ACSL5: variants seen among roughly 807,000 people sequenced by gnomAD.
ACSL5 encodes the protein acyl-CoA synthetase long chain family member 5.
In ACSL5, 50 loss-of-function variants were observed where a neutral mutation model predicts 84.9. The ratio of observed to expected loss-of-function variants is 0.59; its 90% CI spans 0.47 to 0.75. ACSL5 has a LOEUF of 0.75. ACSL5 is among the 30% of genes least tolerant of loss of function. ACSL5 has a pLI of 0.00. For missense variants in ACSL5, 775 were observed against 830.4 expected, an observed-to-expected ratio of 0.93 and a Z score of 0.82; for synonymous variants, 280 against 300.7, an observed-to-expected ratio of 0.93 and a Z score of 0.71.
At chr10:112,375,064 A>AAT (rs1554859511) in intron 1 of ACSL5, among the ~76,000 whole-genome samples, 56 of 139,106 alleles carry the variant, frequency 4.0e-4, no homozygotes, top group Middle Eastern at 3.7e-3. Flanking sequence ...AAAAAAAAAG[A>AAT]AATAAAACCT....
intron 13 of ACSL5, among the ~76,000 whole-genome samples, chr10:112,417,502 CA>C (rs200150019): frequency 0.059 from 6,960 of 118,082 alleles, 280 homozygotes; most frequent in African/African-American, 0.14. Context: ...GACTCTATCT[CA>C]AAAAAAAAAA....
intron 5 of ACSL5, among the ~76,000 whole-genome samples, chr10:112,405,782 G>T (rs537289558): frequency 6.6e-6 from 1 of 152,176 alleles, no homozygotes; most frequent in South Asian, 2.1e-4. Flanking sequence ...CACATATTTT[G>T]TATGTTATAT....
rs1382210452 is a variant in ACSL5, at chr10:112,427,913, C to G, written c.*555C>G. ...CTATGAGACAAATGTCTCCGATGCT[C>G]TTCTGCGTAAATTAAATTGTGTACT... On this transcript the variant is annotated 3_prime_UTR_variant, in exon 21 of 21. Coordinates refer to ENST00000354655, the MANE Select transcript of ACSL5 (RefSeq NM_203379.2). 1 of 152,910 alleles carries G rather than the reference C, an allele frequency of 6.5e-6. No homozygotes were observed. Among genetic ancestry groups the G allele is most frequent in the Non-Finnish European group, 1.5e-5 (1 of 68,546 alleles). The allele number at this position is 152,910 out of a possible 1,614,324, so 9.5% of individuals were successfully genotyped here. A position where few individuals can be genotyped will look rare whatever the true frequency, so the allele number is the denominator to read the frequency against.
chr10:112,426,236 A>G (rs1844700080), intron 18 of ACSL5, 22 bp from the exon 19 acceptor site: 1 of 1,597,816 alleles, frequency 6.3e-7, no homozygotes, highest in Non-Finnish European at 8.6e-7. Flanking sequence ...ATGCCCTTGC[A>G]CCTTTTATTT....
At chr10:112,397,033 T>C (rs747005179) in intron 2 of ACSL5, among the ~76,000 whole-genome samples, 2 of 152,156 alleles carry the variant, frequency 1.3e-5, no homozygotes, top group Non-Finnish European at 2.9e-5. Context: ...CCTGTTCTTC[T>C]CTACACGAAA....
At chr10:112,409,308 A>T (rs766892017) in intron 6 of ACSL5, 199 bp from the exon 7 acceptor site, 3 of 567,188 alleles carry the variant, frequency 5.3e-6, no homozygotes, top group Non-Finnish European at 9.4e-6. Context: ...CAGTTCAAGA[A>T]CATGTGCTTC....
intron 3 of ACSL5, among the ~76,000 whole-genome samples, chr10:112,403,574 C>G (rs2133612722): frequency 6.6e-6 from 1 of 152,376 alleles, no homozygotes; most frequent in South Asian, 2.1e-4. Context: ...GCATGAGCCA[C>G]TGCGCCCAGC....
chr10:112,414,689 C>T (rs1844274901), intron 12 of ACSL5, among the ~76,000 whole-genome samples: 1 of 152,118 alleles, frequency 6.6e-6, no homozygotes, highest in African/African-American at 2.4e-5. Context: ...TCAAGTTGCT[C>T]ATGTGTCCTT....
At chr10:112,418,850 TGAGGAGGAAGAA>T (rs1844385136) in intron 14 of ACSL5, 1 of 144,772 alleles carries the variant, frequency 6.9e-6, no homozygotes, top group Non-Finnish European at 1.5e-5. Context: ...TTGAGTAGGC[TGAGGAGGAAGAA>T]GAGGAGGGGT....
rs1398782813 is a variant in ACSL5, at chr10:112,427,920, GTAAAT to G, written c.*569_*573del. ...ACAAATGTCTCCGATGCTCTTCTGC[GTAAAT>G]TAAATTGTGTACTGAAGGGAAAAGT... On this transcript the variant is annotated 3_prime_UTR_variant, in exon 21 of 21. Coordinates refer to ENST00000354655, the MANE Select transcript of ACSL5 (RefSeq NM_203379.2). 6.5e-6 allele frequency: 1 copy of G among 152,872 alleles called. No homozygotes were observed. The highest frequency in any genetic ancestry group is 2.4e-5 in the African/African-American group (1 of 41,444). 9.5% of individuals were successfully genotyped at this position (152,872 alleles called of 1,614,324 possible).
chr10:112,428,356 T>A lies in ACSL5; in HGVS notation c.*998T>A. The A allele has an allele frequency of 2.5e-6, 1 of 398,436 alleles. No homozygotes were observed. Among genetic ancestry groups the A allele is most frequent in the South Asian group, 1.3e-4 (1 of 7,854 alleles). The allele number at this position is 398,436 out of a possible 1,614,324, so 24.7% of individuals were successfully genotyped here. On this transcript the variant is annotated 3_prime_UTR_variant, in exon 21 of 21. Coordinates refer to ENST00000354655, the MANE Select transcript of ACSL5 (RefSeq NM_203379.2). The stretch of plus-strand genomic sequence containing the variant: ...TTTCTACTTGTAAATGTAAAGTCTT[T>A]AAAATAAACTATTACAGATACTTAC...
At chr10:112,393,556 G>A (rs1340039147) in intron 1 of ACSL5, among the ~76,000 whole-genome samples, 1 of 152,186 alleles carries the variant, frequency 6.6e-6, no homozygotes, top group Non-Finnish European at 1.5e-5. Flanking sequence ...GCTGTCCAAA[G>A]CTCTAAGGGC....
At chr10:112,426,115 G>T in intron 18 of ACSL5, 143 bp from the exon 19 acceptor site, 3 of 604,066 alleles carry the variant, frequency 5.0e-6, no homozygotes, top group Non-Finnish European at 8.7e-6. Flanking sequence ...GAAAATATAT[G>T]GTGAGAAAAG....
intron 1 of ACSL5, among the ~76,000 whole-genome samples, chr10:112,377,240 C>T (rs906834500): frequency 4.6e-5 from 7 of 152,120 alleles, no homozygotes; most frequent in Admixed American, 1.3e-4. Context: ...GAGGCAGAGT[C>T]TTAAAAAATA....
In ACSL5 at chr10:112,416,919, A is replaced by G. The variant is rs766326424; in HGVS notation, c.1115A>G (p.Lys372Arg). 7 of 1,614,168 alleles carry G rather than the reference A, an allele frequency of 4.3e-6. No homozygotes were observed. Among genetic ancestry groups the G allele is most frequent in the Middle Eastern group, 1.6e-4 (1 of 6,062 alleles). Residue 372 changes from lysine (K) to arginine (R), a missense_variant, in exon 13 of 21, where the codon AAG becomes AGG. By Grantham distance (26) the Lys-to-Arg change is conservative (BLOSUM62 2). Transcript: ENST00000354655. Reference sequence around the variant, plus strand: ...AATGAGGCCAAGACACCCTTGAAGAAGTTCTTGTTGAAGCTGGCTGTTTCC... The same window carrying G: ...AATGAGGCCAAGACACCCTTGAAGAGGTTCTTGTTGAAGCTGGCTGTTTCC... ...VQNEAKTPLK[K>R]FLLKLAVSSK... is the part of the protein sequence containing the mutation.
intron 16 of ACSL5, 108 bp from the exon 17 acceptor site, chr10:112,422,217 G>A (rs1030882987): frequency 1.8e-6 from 2 of 1,098,138 alleles, no homozygotes; most frequent in African/African-American, 1.5e-5. Flanking sequence ...TCTTCACAGT[G>A]TAGTGGAAGC....
At chr10:112,399,289 G>A (rs772818460) in intron 3 of ACSL5, among the ~76,000 whole-genome samples, 1 of 152,176 alleles carries the variant, frequency 6.6e-6, no homozygotes, top group African/African-American at 2.4e-5. Flanking sequence ...AACACAAGAA[G>A]AACGTCCCTG....
chr10:112,374,861 CTTGA>C (rs1280436657), intron 1 of ACSL5, among the ~76,000 whole-genome samples: 6 of 152,268 alleles, frequency 3.9e-5, no homozygotes, highest in Non-Finnish European at 2.9e-5. Context: ...GAATTTGAGA[CTTGA>C]TTGGTCAGTT....
At chr10:112,395,134 AC>A in intron 2 of ACSL5, 32 bp downstream of exon 2, 1 of 1,597,994 alleles carries the variant, frequency 6.3e-7, no homozygotes, top group Non-Finnish European at 8.6e-7. Flanking sequence ...TAGTTTGTCA[AC>A]CTTCCTCAAA....
Sources: allele counts gnomAD v4.1 joint callset (sites outside exome capture counted in the v4.1 genomes callset), GRCh38; gene constraint gnomAD v4.1.1; transcripts MANE v1.5; gene names NCBI Gene and HGNC (gene_info 2026-07-23, HGNC 2026-07-21).